Variants in JARID2 observed in about 807,000 individuals in gnomAD.
JARID2 encodes the protein jumonji and AT-rich interaction domain containing 2.
Under a neutral mutation model 125.6 loss-of-function variants are expected in JARID2, and 21 were observed. That is an observed-to-expected ratio of 0.17 (90% CI 0.12 to 0.24). The LOEUF is 0.24. JARID2 is among the 10% of genes least tolerant of loss of function. The pLI is 1.00. For missense variants in JARID2, 1,303 were observed against 1,639.6 expected, an observed-to-expected ratio of 0.79 and a Z score of 3.55; for synonymous variants, 736 against 661.6, an observed-to-expected ratio of 1.11 and a Z score of -1.73.
intron 16 of JARID2, among the ~76,000 whole-genome samples, chr6:15,514,864 C>T (rs1362487817): frequency 6.6e-6 from 1 of 152,134 alleles, no homozygotes; most frequent in Non-Finnish European, 1.5e-5. Context: ...TCCGTGACCG[C>T]CCTGCCTCCT....
chr6:15,512,130 G>T (rs1410863624), intron 13 of JARID2, 78 bp from the exon 14 acceptor site: 3 of 1,224,610 alleles, frequency 2.4e-6, no homozygotes, highest in Non-Finnish European at 3.5e-6. Flanking sequence ...GCCTCTTAGG[G>T]TGCGCATACG....
intron 1 of JARID2, among the ~76,000 whole-genome samples, chr6:15,249,242 G>A (rs946794286): frequency 1.3e-4 from 20 of 152,214 alleles, no homozygotes; most frequent in African/African-American, 4.1e-4. Context: ...GTCGTGTTAG[G>A]GGTGCTTCAG....
chr6:15,477,846 T>C (rs950640757), intron 5 of JARID2, among the ~76,000 whole-genome samples: 1 of 152,198 alleles, frequency 6.6e-6, no homozygotes, highest in Non-Finnish European at 1.5e-5. Context: ...AACAACCTTA[T>C]AATTGCTAGG....
chr6:15,344,489 A>G (rs1162529334), intron 1 of JARID2, among the ~76,000 whole-genome samples: 3 of 151,308 alleles, frequency 2.0e-5, no homozygotes, highest in East Asian at 1.9e-4. Flanking sequence ...CTGTATTGCT[A>G]TGTCTCACTT....
At chr6:15,507,822 G>T (rs758834909) in intron 11 of JARID2, among the ~76,000 whole-genome samples, 12 of 152,212 alleles carry the variant, frequency 7.9e-5, no homozygotes, top group Non-Finnish European at 1.6e-4. Context: ...CATGGAGGTT[G>T]TGGTCACCAT....
At chr6:15,325,293 C>G (rs938148386) in intron 1 of JARID2, among the ~76,000 whole-genome samples, 5 of 152,198 alleles carry the variant, frequency 3.3e-5, no homozygotes, top group Non-Finnish European at 5.9e-5. Context: ...TGCACACACA[C>G]AACTGAAACA....
At chr6:15,371,868 A>G (rs1764183612) in intron 1 of JARID2, among the ~76,000 whole-genome samples, 1 of 152,158 alleles carries the variant, frequency 6.6e-6, no homozygotes, top group Non-Finnish European at 1.5e-5. Flanking sequence ...GCGGACAGGA[A>G]GACTGGATGT....
chr6:15,362,429 A>G (rs1032736295), intron 1 of JARID2, among the ~76,000 whole-genome samples: 1 of 152,070 alleles, frequency 6.6e-6, no homozygotes, highest in African/African-American at 2.4e-5. Context: ...GAGAAAGGCA[A>G]CTCTATTTAC....
At chr6:15,449,870 A>T (rs992244112) in intron 3 of JARID2, among the ~76,000 whole-genome samples, 2 of 152,270 alleles carry the variant, frequency 1.3e-5, no homozygotes, top group East Asian at 3.9e-4. Context: ...ACTGCTTAGG[A>T]CATACAAGGG....
chr6:15,396,358 G>A (rs1436124224), intron 2 of JARID2, among the ~76,000 whole-genome samples: 1 of 152,190 alleles, frequency 6.6e-6, no homozygotes, highest in Non-Finnish European at 1.5e-5. Flanking sequence ...TTTAACAGGT[G>A]AGGAAACTGA....
intron 1 of JARID2, among the ~76,000 whole-genome samples, chr6:15,346,171 A>T (rs1387205920): frequency 6.6e-6 from 1 of 152,260 alleles, no homozygotes; most frequent in Non-Finnish European, 1.5e-5. Flanking sequence ...TTTGTGGCAT[A>T]AAATAGTTTA....
intron 1 of JARID2, among the ~76,000 whole-genome samples, chr6:15,265,372 A>AC (rs1760042121): frequency 6.6e-6 from 1 of 151,986 alleles, no homozygotes; most frequent in African/African-American, 2.4e-5. Context: ...GCATTAAAAA[A>AC]AAAAAAACAA....
intron 6 of JARID2, among the ~76,000 whole-genome samples, chr6:15,489,733 G>A (rs1450409331): frequency 6.6e-6 from 1 of 152,208 alleles, no homozygotes; most frequent in Non-Finnish European, 1.5e-5. Flanking sequence ...GCCGGCCTCT[G>A]TCCTCTGAGT....
Position 15,445,902 on chromosome 6 carries a change from A to G in JARID2, c.324-6104A>G, listed in dbSNP as rs16876360. ...TTTTCGTTTTCAAATATCAGCCTCTATATTCAAGACACAGTTTTATTCTTA... is the reference window on the plus strand; with the variant it reads ...TTTTCGTTTTCAAATATCAGCCTCTGTATTCAAGACACAGTTTTATTCTTA... On this transcript the variant is annotated intron_variant, in intron 3 of 17. Coordinates refer to ENST00000341776, the MANE Select transcript of JARID2 (RefSeq NM_004973.4). Among the ~76,000 whole-genome samples, 581 of 152,308 alleles carry G rather than the reference A, an allele frequency of 3.8e-3. 5 individuals are homozygous for G. Among genetic ancestry groups the G allele is most frequent in the African/African-American group, 0.013 (540 of 41,564 alleles).
At chr6:15,422,585 C>T (rs1766546980) in intron 3 of JARID2, among the ~76,000 whole-genome samples, 1 of 152,190 alleles carries the variant, frequency 6.6e-6, no homozygotes, top group South Asian at 2.1e-4. Flanking sequence ...GCAGCAAAAA[C>T]CCTTGGTTCA....
chr6:15,362,551 T>G (rs1267336110), intron 1 of JARID2, among the ~76,000 whole-genome samples: 1 of 152,202 alleles, frequency 6.6e-6, no homozygotes, highest in East Asian at 1.9e-4. Context: ...GCTCATACCT[T>G]ATCAATTAGG....
At chr6:15,389,224 G>A (rs1041300658) in intron 2 of JARID2, among the ~76,000 whole-genome samples, 2 of 152,026 alleles carry the variant, frequency 1.3e-5, no homozygotes, top group African/African-American at 2.4e-5. Flanking sequence ...GCAGTGACAC[G>A]ATCTCAGCTC....
chr6:15,261,814 T>C (rs1281486645), intron 1 of JARID2, among the ~76,000 whole-genome samples: 1 of 149,796 alleles, frequency 6.7e-6, no homozygotes, highest in Non-Finnish European at 1.5e-5. Context: ...GATGGAGCCT[T>C]GCTCTGTCAC....
intron 6 of JARID2, among the ~76,000 whole-genome samples, chr6:15,489,733 G>T (rs1450409331): frequency 2.0e-5 from 3 of 152,208 alleles, no homozygotes; most frequent in African/African-American, 4.8e-5. Context: ...GCCGGCCTCT[G>T]TCCTCTGAGT....
Sources: gnomAD v4.1 joint callset for allele counts (sites outside exome capture counted in the v4.1 genomes callset) on GRCh38, gnomAD v4.1.1 for gene constraint, MANE v1.5 for transcripts, NCBI Gene and HGNC (gene_info 2026-07-23, HGNC 2026-07-21) for gene names.